YWHAG: variants seen among roughly 807,000 people sequenced by gnomAD.
YWHAG encodes the protein tyrosine 3-monooxygenase/tryptophan 5-monooxygenase activation protein gamma.
In YWHAG, 1 loss-of-function variant was observed where a neutral mutation model predicts 23.3. That is an observed-to-expected ratio of 0.04 (90% CI 0.02 to 0.20). The LOEUF is 0.20. YWHAG is among the 10% of genes least tolerant of loss of function. YWHAG has a pLI of 1.00. For missense variants in YWHAG, 151 were observed against 338.6 expected (o/e 0.45, Z 4.35); for synonymous variants, 160 against 144.0 (o/e 1.11, Z -0.80).
intron 1 of YWHAG, among the ~76,000 whole-genome samples, chr7:76,349,444 GACAC>G (rs34840797): frequency 3.8e-4 from 54 of 143,214 alleles, no homozygotes; most frequent in Middle Eastern, 3.6e-3. Flanking sequence ...CACACACACA[GACAC>G]ACACACACAC....
intron 1 of YWHAG, among the ~76,000 whole-genome samples, chr7:76,346,112 C>T (rs1430972917): frequency 6.6e-6 from 1 of 152,212 alleles, no homozygotes; most frequent in African/African-American, 2.4e-5. Context: ...CCTACACAGT[C>T]GTCACTGTCT....
chr7:76,354,421 G>T (rs1012821662), intron 1 of YWHAG, among the ~76,000 whole-genome samples: 3 of 152,060 alleles, frequency 2.0e-5, no homozygotes, highest in African/African-American at 7.2e-5. Context: ...TGAGGCAGGA[G>T]AATCACTTGA....
intron 1 of YWHAG, among the ~76,000 whole-genome samples, chr7:76,356,769 T>C (rs1803967794): frequency 6.6e-6 from 1 of 152,154 alleles, no homozygotes; most frequent in Admixed American, 6.6e-5. Flanking sequence ...AGCAATAGGG[T>C]GAACAAGGCC....
At chr7:76,345,307 C>T (rs1803761451) in intron 1 of YWHAG, among the ~76,000 whole-genome samples, 1 of 151,560 alleles carries the variant, frequency 6.6e-6, no homozygotes, top group South Asian at 2.1e-4. Context: ...TGTCTCAGTC[C>T]CCCGAGCAGC....
intron 1 of YWHAG, among the ~76,000 whole-genome samples, chr7:76,338,339 C>A (rs10238642): frequency 0.034 from 5,129 of 152,162 alleles, 159 homozygotes; most frequent in East Asian, 0.15. Flanking sequence ...GCCTCAGAGT[C>A]GTGAAATTTC....
chr7:76,343,034 G>A (rs908560049), intron 1 of YWHAG, among the ~76,000 whole-genome samples: 4 of 152,164 alleles, frequency 2.6e-5, no homozygotes, highest in Non-Finnish European at 4.4e-5. Context: ...CTACTTGAGA[G>A]GGTGAGGTAG....
chr7:76,354,569 G>C (rs10256030), intron 1 of YWHAG, among the ~76,000 whole-genome samples: 5,144 of 152,220 alleles, frequency 0.034, 160 homozygotes, highest in East Asian at 0.15. Context: ...TAGGACTGCT[G>C]ATATTGGGAA....
At chr7:76,352,150 TC>T (rs1325028776) in intron 1 of YWHAG, among the ~76,000 whole-genome samples, 3 of 152,232 alleles carry the variant, frequency 2.0e-5, no homozygotes, top group Non-Finnish European at 4.4e-5. Flanking sequence ...ATTTCTACAT[TC>T]TTAAAGAACT....
chr7:76,330,630 A>T (rs1001735757), intron 1 of YWHAG, among the ~76,000 whole-genome samples: 1 of 152,208 alleles, frequency 6.6e-6, no homozygotes, highest in Non-Finnish European at 1.5e-5. Flanking sequence ...TCTCTTCTGG[A>T]TAAGAAAATA....
rs1803505730 is a variant in YWHAG, at chr7:76,329,362, G to A, written c.*215C>T. The stretch of plus-strand genomic sequence containing the variant: ...AGAACAGTCCAGACGCCAGTGTGAG[G>A]CTGCTATTCCAATACCAGCACAGCT... On this transcript the variant is annotated 3_prime_UTR_variant, in exon 2 of 2. Coordinates refer to ENST00000307630, the MANE Select transcript of YWHAG (RefSeq NM_012479.4). This position sits in a 1 kb window ranked among gnomAD's most constrained non-coding sequence, Gnocchi z 6.1. The A allele has an allele frequency of 8.4e-6, 5 of 598,028 alleles. No individual in the cohort carries two copies. Among genetic ancestry groups the A allele is most frequent in the Non-Finnish European group, 1.5e-5 (5 of 344,170 alleles). The allele number at this position is 598,028 out of a possible 1,614,324, so 37.0% of individuals were successfully genotyped here.
intron 1 of YWHAG, among the ~76,000 whole-genome samples, chr7:76,356,995 G>A (rs960830453): frequency 5.3e-5 from 8 of 152,192 alleles, no homozygotes; most frequent in African/African-American, 9.7e-5. Flanking sequence ...TGGTTGCTAT[G>A]GATATAGGTG....
At chr7:76,353,831 G>C (rs916984045) in intron 1 of YWHAG, among the ~76,000 whole-genome samples, 7 of 151,998 alleles carry the variant, frequency 4.6e-5, no homozygotes, top group Non-Finnish European at 1.0e-4. Flanking sequence ...TACTTTGGGA[G>C]GCCAAGATGG....
intron 1 of YWHAG, among the ~76,000 whole-genome samples, chr7:76,341,274 C>T (rs536474577): frequency 1.3e-5 from 2 of 151,800 alleles, no homozygotes; most frequent in Admixed American, 6.6e-5. Flanking sequence ...CATGGTGGCT[C>T]GCACCTGTAA....
chr7:76,350,362 G>A (rs11763069), intron 1 of YWHAG, among the ~76,000 whole-genome samples: 3,218 of 152,260 alleles, frequency 0.021, 46 homozygotes, highest in Non-Finnish European at 0.032. Flanking sequence ...GTACTAGTGA[G>A]GACCTTAAAC....
At chr7:76,343,881 A>G (rs1803736312) in intron 1 of YWHAG, among the ~76,000 whole-genome samples, 1 of 152,208 alleles carries the variant, frequency 6.6e-6, no homozygotes, top group Non-Finnish European at 1.5e-5. Flanking sequence ...TGTGAGAATT[A>G]ACAAATATTT....
rs574900060 is a variant in YWHAG at position 76,350,880 on chromosome 7, A to T, written c.87+7842T>A. Among the ~76,000 whole-genome samples the T allele has an allele frequency of 1.2e-4, 19 of 152,226 alleles. No homozygotes were observed. The South Asian group carries it at 3.9e-3, about 32-fold the overall frequency. Reference sequence around the variant, plus strand: ...GAGAAAAGAAAAATCGTTAAGTTAAACCATCTGAAATCAGGGACCATCTAT... The same window carrying T: ...GAGAAAAGAAAAATCGTTAAGTTAATCCATCTGAAATCAGGGACCATCTAT... On this transcript the variant is annotated intron_variant, in intron 1 of 1. Transcript: ENST00000307630.
chr7:76,358,611 G>T, intron 1 of YWHAG, 111 bp downstream of exon 1: 1 of 1,092,378 alleles, frequency 9.2e-7, no homozygotes, highest in Non-Finnish European at 1.3e-6. Context: ...TGAGCGAGAC[G>T]GGGCGGTCAA....
rs35137930 is a variant in YWHAG at position 76,336,451 on chromosome 7, CTT to C, written c.88-6220_88-6219del. 1.5e-3 allele frequency among the ~76,000 whole-genome samples: 173 copies of C among 116,682 alleles called. 1 individual carries two copies. Among genetic ancestry groups the C allele is most frequent in the East Asian group, 6.7e-3 (26 of 3,890 alleles). 76.5% of individuals were successfully genotyped at this position (116,682 alleles called of 152,430 possible). On this transcript the variant is annotated intron_variant, in intron 1 of 1. Transcript: ENST00000307630. ...CCAAAACTGCTCTAAGAAAGTCTGG[CTT>C]TTTTTTTTTTTTTTTTTTCTGAGAC...
intron 1 of YWHAG, 21 bp downstream of exon 1, chr7:76,358,701 G>C: frequency 1.3e-6 from 2 of 1,556,476 alleles, no homozygotes; most frequent in South Asian, 1.2e-5. Context: ...GGAGCGGCGG[G>C]GGAGGGGAGG....
Sources: gnomAD v4.1 joint callset for allele counts (sites outside exome capture counted in the v4.1 genomes callset) on GRCh38, gnomAD v4.1.1 for gene constraint, Gnocchi (gnomAD v3.1) non-coding constraint, MANE v1.5 for transcripts, NCBI Gene and HGNC (gene_info 2026-07-23, HGNC 2026-07-21) for gene names.